NR6A1: variants seen among roughly 807,000 people sequenced by gnomAD.
NR6A1 encodes retinoic acid receptor-related testis-associated receptor.
A neutral mutation model predicts 59.1 loss-of-function variants in NR6A1; 7 were observed. That is an observed-to-expected ratio of 0.12 (90% CI 0.07 to 0.22). The LOEUF (loss-of-function observed/expected upper bound fraction) is 0.22, where lower values mean the gene tolerates loss of function less well. NR6A1 is among the 10% of genes least tolerant of loss of function. The pLI, the probability that NR6A1 is intolerant of heterozygous loss-of-function variation, is 1.00. For missense variants in NR6A1, 468 were observed against 611.6 expected, an observed-to-expected ratio of 0.77 and a Z score of 2.48; for synonymous variants, 243 against 236.1, an observed-to-expected ratio of 1.03 and a Z score of -0.27.
chr9:124,525,699 C>CTCTA (rs1554724041), intron 8 of NR6A1, among the ~76,000 whole-genome samples: 194 of 147,236 alleles, frequency 1.3e-3, no homozygotes, highest in South Asian at 7.9e-3. Flanking sequence ...CTCTCTCTCT[C>CTCTA]TATATATATA....
intron 6 of NR6A1, 120 bp from the exon 7 acceptor site, chr9:124,536,252 C>T (rs1833263871): frequency 3.6e-6 from 4 of 1,101,982 alleles, no homozygotes; most frequent in South Asian, 3.0e-5. Context: ...TTGCTCCATG[C>T]CCACGGGTCT....
chr9:124,600,407 G>A (rs1320499431), intron 2 of NR6A1, among the ~76,000 whole-genome samples: 1 of 152,164 alleles, frequency 6.6e-6, no homozygotes, highest in East Asian at 1.9e-4. Context: ...ACAATTTCCA[G>A]TTATGCCTTC....
intron 2 of NR6A1, among the ~76,000 whole-genome samples, chr9:124,586,124 A>T (rs1054045302): frequency 2.6e-5 from 4 of 152,170 alleles, no homozygotes; most frequent in Non-Finnish European, 4.4e-5. Context: ...TTTGACTTTC[A>T]AGTCTTATTA....
At chr9:124,708,180 C>G (rs993014919) in intron 2 of NR6A1, among the ~76,000 whole-genome samples, 2 of 152,162 alleles carry the variant, frequency 1.3e-5, no homozygotes, top group Non-Finnish European at 2.9e-5. Context: ...GATTTGCTGG[C>G]CCTGTTTCAC....
intron 2 of NR6A1, among the ~76,000 whole-genome samples, chr9:124,671,762 T>C (rs1837800507): frequency 1.3e-5 from 2 of 152,242 alleles, no homozygotes; most frequent in African/African-American, 4.8e-5. Flanking sequence ...TTGAGTCCTA[T>C]GTTTTACCTC....
At chr9:124,723,903 A>AT (rs1418068943) in intron 2 of NR6A1, among the ~76,000 whole-genome samples, 6 of 152,238 alleles carry the variant, frequency 3.9e-5, no homozygotes, top group Non-Finnish European at 5.9e-5. Context: ...GTTCTTAATT[A>AT]TAAGAGCAGC....
chr9:124,619,380 T>C (rs1835995721), intron 2 of NR6A1, among the ~76,000 whole-genome samples: 2 of 152,100 alleles, frequency 1.3e-5, no homozygotes, highest in South Asian at 4.2e-4. Context: ...CCTCCTGCCT[T>C]GGCCTACCAA....
In NR6A1 at chr9:124,519,936, A is replaced by G. The variant is rs1281860293; in HGVS notation, c.*2769T>C. 7.1e-6 allele frequency: 1 copy of G among 141,162 alleles called. No homozygotes were observed. 8.7% of individuals were successfully genotyped at this position (141,162 alleles called of 1,614,324 possible). The stretch of plus-strand genomic sequence containing the variant: ...AAAAAAAAAAAAAAAAAAAATCCTC[A>G]CTCAAAGTGAGTGCTTTTGGTGGTT... On this transcript the variant is annotated 3_prime_UTR_variant, in exon 10 of 10. Coordinates refer to ENST00000487099, the MANE Select transcript of NR6A1 (RefSeq NM_033334.4).
intron 2 of NR6A1, among the ~76,000 whole-genome samples, chr9:124,611,843 T>C (rs554243204): frequency 6.6e-6 from 1 of 151,342 alleles, no homozygotes; most frequent in Admixed American, 6.6e-5. Context: ...CAATTCCCAT[T>C]CTGTGCTAAG....
chr9:124,648,336 AAAAT>A (rs1369636536), intron 2 of NR6A1, among the ~76,000 whole-genome samples: 2 of 152,202 alleles, frequency 1.3e-5, no homozygotes, highest in East Asian at 1.9e-4. Context: ...CATCTCTACC[AAAAT>A]AAATAAATAA....
chr9:124,611,749 T>TAGAGAG (rs34197337), intron 2 of NR6A1, among the ~76,000 whole-genome samples: 99 of 91,490 alleles, frequency 1.1e-3, no homozygotes, highest in South Asian at 4.1e-3. Context: ...GACCCTGTCT[T>TAGAGAG]AGAGAGAGAG....
chr9:124,770,825 G>A (rs1027279938), intron 1 of NR6A1, among the ~76,000 whole-genome samples, 195 bp downstream of exon 1: 1 of 151,554 alleles, frequency 6.6e-6, no homozygotes, highest in East Asian at 2.0e-4. Context: ...GAAGGAGGAG[G>A]ATCCACCCTG....
intron 1 of NR6A1, among the ~76,000 whole-genome samples, chr9:124,759,700 G>A (rs1014577169): frequency 6.6e-6 from 1 of 152,176 alleles, no homozygotes; most frequent in East Asian, 1.9e-4. Context: ...GTTCACCGAA[G>A]ATTGTCCCTG....
At chr9:124,620,210 G>A (rs948832695) in intron 2 of NR6A1, among the ~76,000 whole-genome samples, 6 of 151,730 alleles carry the variant, frequency 4.0e-5, no homozygotes, top group Admixed American at 1.3e-4. Flanking sequence ...AGATATAGAA[G>A]ATGATAATGA....
At chr9:124,599,478 C>T in intron 2 of NR6A1, 1 of 471,832 alleles carries the variant, frequency 2.1e-6, no homozygotes, top group Non-Finnish European at 4.1e-6. Context: ...ATTTCTTGCT[C>T]AGGAAGAGAA....
intron 2 of NR6A1, among the ~76,000 whole-genome samples, chr9:124,575,698 A>G (rs1461736509): frequency 6.6e-6 from 1 of 152,240 alleles, no homozygotes; most frequent in East Asian, 1.9e-4. Context: ...TCAGCTATAA[A>G]CTGGGGATAA....
intron 2 of NR6A1, among the ~76,000 whole-genome samples, chr9:124,561,902 A>G (rs1834095149): frequency 6.6e-6 from 1 of 152,058 alleles, no homozygotes; most frequent in Non-Finnish European, 1.5e-5. Flanking sequence ...ACAGAGTGAG[A>G]CTCCGTCTCA....
intron 2 of NR6A1, among the ~76,000 whole-genome samples, chr9:124,631,699 GTGC>G (rs1252037329): frequency 2.0e-5 from 3 of 152,064 alleles, no homozygotes; most frequent in Non-Finnish European, 4.4e-5. Flanking sequence ...TGTGCAGAAT[GTGC>G]TGGTTTGTTA....
At chr9:124,728,775 C>A (rs2131116607) in intron 2 of NR6A1, among the ~76,000 whole-genome samples, 1 of 152,310 alleles carries the variant, frequency 6.6e-6, no homozygotes. Flanking sequence ...ATGCACCAAT[C>A]ACTAAGACTG....
Sources: gnomAD v4.1 joint callset for allele counts (sites outside exome capture counted in the v4.1 genomes callset) on GRCh38, gnomAD v4.1.1 for gene constraint, MANE v1.5 for transcripts, NCBI Gene and HGNC (gene_info 2026-07-23, HGNC 2026-07-21) for gene names.